Variants in AFAP1L1 observed in about 807,000 individuals in gnomAD.
AFAP1L1 encodes actin filament associated protein 1 like 1.
In AFAP1L1, 77 loss-of-function variants were observed where a neutral mutation model predicts 99.8. The ratio of observed to expected loss-of-function variants is 0.77; its 90% confidence interval spans 0.64 to 0.93. AFAP1L1 has a LOEUF of 0.93. Ranked by LOEUF, AFAP1L1 falls within the 40% of genes least tolerant of loss-of-function variation. The pLI is 0.00. For synonymous variants in AFAP1L1, 373 were observed against 395.3 expected (o/e 0.94, Z 0.67); for missense variants, 893 against 996.8 (o/e 0.90, Z 1.40).
chr5:149,286,170 T>C (rs552524587), intron 1 of AFAP1L1, among the ~76,000 whole-genome samples: 1 of 152,274 alleles, frequency 6.6e-6, no homozygotes, highest in Non-Finnish European at 1.5e-5. Context: ...AATCATATCA[T>C]CAGCTTGGCA....
intron 1 of AFAP1L1, among the ~76,000 whole-genome samples, chr5:149,278,586 A>G (rs1007967351): frequency 6.6e-6 from 1 of 152,194 alleles, no homozygotes; most frequent in Non-Finnish European, 1.5e-5. Context: ...TCCCAATGTT[A>G]TAGGTGCTCA....
intron 1 of AFAP1L1, among the ~76,000 whole-genome samples, chr5:149,280,866 A>G (rs1755495954): frequency 6.6e-6 from 1 of 152,094 alleles, no homozygotes; most frequent in South Asian, 2.1e-4. Flanking sequence ...TGTGAACTCC[A>G]GCCTCCAATA....
chr5:149,319,397 G>A, intron 12 of AFAP1L1, among the ~76,000 whole-genome samples, 185 bp from the exon 13 acceptor site: 1 of 152,170 alleles, frequency 6.6e-6, no homozygotes, highest in Non-Finnish European at 1.5e-5. Context: ...TTGGAAACCT[G>A]AATAGATGGA....
intron 18 of AFAP1L1, among the ~76,000 whole-genome samples, chr5:149,337,694 A>G (rs1441295468): frequency 6.6e-6 from 1 of 152,230 alleles, no homozygotes; most frequent in Non-Finnish European, 1.5e-5. Context: ...GAAAGGAGAC[A>G]GATAATACAT....
chr5:149,290,307 G>C (rs1755811603), intron 1 of AFAP1L1, among the ~76,000 whole-genome samples: 1 of 152,214 alleles, frequency 6.6e-6, no homozygotes, highest in Admixed American at 6.5e-5. Context: ...AGTAATGGAA[G>C]AGTAATGGAG....
chr5:149,338,732 C>T (rs777715945), intron 18 of AFAP1L1, among the ~76,000 whole-genome samples: 2 of 152,280 alleles, frequency 1.3e-5, no homozygotes, highest in Middle Eastern at 3.4e-3. Flanking sequence ...AGAAGATGAA[C>T]GTCCCAAAGG....
intron 1 of AFAP1L1, among the ~76,000 whole-genome samples, chr5:149,287,806 A>G (rs1755731588): frequency 6.7e-6 from 1 of 148,592 alleles, no homozygotes; most frequent in African/African-American, 2.5e-5. Flanking sequence ...GGTCTCAAAC[A>G]CCTGACCTCA....
chr5:149,303,110 A>G (rs1425215189), intron 5 of AFAP1L1, among the ~76,000 whole-genome samples: 1 of 152,256 alleles, frequency 6.6e-6, no homozygotes, highest in African/African-American at 2.4e-5. Context: ...AATTCAACAT[A>G]TCTTTTAATA....
At chr5:149,332,633 G>A in intron 16 of AFAP1L1, 62 bp from the exon 17 acceptor site, 1 of 1,552,916 alleles carries the variant, frequency 6.4e-7, no homozygotes, top group Non-Finnish European at 8.7e-7. Flanking sequence ...CTGAGGCCCT[G>A]CCAGATTCCC....
In AFAP1L1 at chr5:149,302,468, C is replaced by A; in HGVS notation, c.378C>A (p.Tyr126Ter). 1.3e-6 allele frequency: 2 copies of A among 1,597,562 alleles called. No homozygotes were observed. The highest frequency in any genetic ancestry group is 1.7e-6 in the Non-Finnish European group (2 of 1,172,220). The change falls in exon 5 of 19, where the codon TAC (tyrosine) becomes TAA (stop). Residue 126 changes from tyrosine to a stop codon, truncating the protein, a stop_gained. Transcript: ENST00000296721. LOFTEE classifies it high-confidence loss of function. ...CCAACAAGCCTCCCCCTGAGGACTACTATGAAGAGGCCCTTCCTCTGGGAC... is the reference window on the plus strand; with the variant it reads ...CCAACAAGCCTCCCCCTGAGGACTAATATGAAGAGGCCCTTCCTCTGGGAC... ...PLPNKPPPED[Y>*]YEEALPLGPG...
chr5:149,311,962 C>G (rs1195585838), intron 8 of AFAP1L1, 150 bp from the exon 9 acceptor site: 1 of 677,140 alleles, frequency 1.5e-6, no homozygotes, highest in African/African-American at 1.8e-5. Flanking sequence ...CCATGTGCCC[C>G]ACACATATGC....
chr5:149,298,985 G>A lies in AFAP1L1; in HGVS notation c.17-524G>A, dbSNP rs115111469. ...GGCACTGATAACATGGAGTGAGGAGGGTTAATGTTTAGTTTGGCTGTGGCC... is the reference window on the plus strand; with the variant it reads ...GGCACTGATAACATGGAGTGAGGAGAGTTAATGTTTAGTTTGGCTGTGGCC... On this transcript the variant is annotated intron_variant, in intron 1 of 18. Transcript: ENST00000296721. Among the ~76,000 whole-genome samples the A allele has an allele frequency of 7.4e-3, 1,126 of 152,336 alleles. 20 individuals are homozygous for A. Among genetic ancestry groups the A allele is most frequent in the African/African-American group, 0.025 (1,053 of 41,562 alleles).
At chr5:149,322,997 G>T (rs1756999591) in intron 15 of AFAP1L1, among the ~76,000 whole-genome samples, 1 of 152,156 alleles carries the variant, frequency 6.6e-6, no homozygotes, top group East Asian at 1.9e-4. Flanking sequence ...GGAGGCTGCT[G>T]CTCAGCTCCA....
chr5:149,272,108 G>A, intron 1 of AFAP1L1, 124 bp downstream of exon 1: 1 of 1,003,566 alleles, frequency 1.0e-6, no homozygotes, highest in Non-Finnish European at 1.3e-6. Flanking sequence ...AGGAACGCTC[G>A]GAGGGGACTG....
chr5:149,317,639 C>A (rs1445362653), intron 11 of AFAP1L1, 90 bp from the exon 12 acceptor site: 4 of 1,385,540 alleles, frequency 2.9e-6, no homozygotes, highest in South Asian at 2.6e-5. Context: ...GACCCCGAGG[C>A]CTTCTTTCCA....
chr5:149,318,509 G>T (rs933156654), intron 12 of AFAP1L1, among the ~76,000 whole-genome samples: 1 of 152,186 alleles, frequency 6.6e-6, no homozygotes, highest in African/African-American at 2.4e-5. Flanking sequence ...CTCCAGGAAG[G>T]CAATAATTAG....
chr5:149,330,352 G>A (rs1336881535), intron 16 of AFAP1L1, among the ~76,000 whole-genome samples: 1 of 152,184 alleles, frequency 6.6e-6, no homozygotes, highest in Non-Finnish European at 1.5e-5. Flanking sequence ...CTCTCTAACT[G>A]TAGTTTGACA....
chr5:149,278,913 A>C (rs1183243961), intron 1 of AFAP1L1, among the ~76,000 whole-genome samples: 2 of 152,044 alleles, frequency 1.3e-5, no homozygotes, highest in Non-Finnish European at 2.9e-5. Flanking sequence ...AAACCCCTCT[A>C]TGAGAGTAAC....
At position 149,320,328 on chromosome 5, in the gene AFAP1L1, A is replaced by C. The variant is rs1756915547; in HGVS notation, c.1626-63A>C. On this transcript the variant is annotated intron_variant, in intron 13 of 18. Transcript: ENST00000296721. This position sits in a 1 kb window ranked among gnomAD's most constrained non-coding sequence, Gnocchi z 4.0. ...AGAATCAATGAGAGTGAGGACACGA[A>C]AGCACTGTAAGCTGCAAAGCATCAT... The C allele has an allele frequency of 6.6e-7, 1 of 1,523,926 alleles. No individual in the cohort carries two copies. The highest frequency in any genetic ancestry group is 1.4e-5 in the African/African-American group (1 of 73,128). The allele number at this position is 1,523,926 out of a possible 1,614,324, so 94.4% of individuals were successfully genotyped here.
Sources: gnomAD v4.1 joint callset for allele counts (sites outside exome capture counted in the v4.1 genomes callset) on GRCh38, gnomAD v4.1.1 for gene constraint, Gnocchi (gnomAD v3.1) non-coding constraint, MANE v1.5 for transcripts, NCBI Gene and HGNC (gene_info 2026-07-23, HGNC 2026-07-21) for gene names.